Variants in RANBP9 observed in about 807,000 individuals in gnomAD.
RANBP9 encodes RAN binding protein 9.
Under a neutral mutation model 84.3 loss-of-function variants are expected in RANBP9, and 15 were observed. The ratio of observed to expected loss-of-function variants is 0.18; its 90% CI spans 0.12 to 0.27. The LOEUF is 0.27. Ranked by LOEUF, RANBP9 falls within the 10% of genes least tolerant of loss-of-function variation. The pLI is 1.00. For synonymous variants in RANBP9, 392 were observed against 349.6 expected (o/e 1.12, Z -1.35); for missense variants, 809 against 912.8 (o/e 0.89, Z 1.46).
At chr6:13,658,610 AAAAAC>A (rs1262730204) in intron 3 of RANBP9, among the ~76,000 whole-genome samples, 165 bp downstream of exon 3, 3 of 152,236 alleles carry the variant, frequency 2.0e-5, no homozygotes, top group Non-Finnish European at 4.4e-5. Flanking sequence ...ACTCTGTCTC[AAAAAC>A]AAAACAAAAC....
intron 2 of RANBP9, among the ~76,000 whole-genome samples, chr6:13,683,066 T>A (rs551244168): frequency 1.8e-4 from 28 of 152,320 alleles, no homozygotes; most frequent in Admixed American, 3.3e-4. Context: ...TCACAAAGAA[T>A]CACTGGGATG....
intron 6 of RANBP9, among the ~76,000 whole-genome samples, chr6:13,643,971 T>C (rs1584919238): frequency 6.6e-6 from 1 of 152,194 alleles, no homozygotes; most frequent in African/African-American, 2.4e-5. Context: ...ACATTAAAGA[T>C]GAAATGTGTT....
At chr6:13,653,903 A>G (rs1765345274) in intron 4 of RANBP9, among the ~76,000 whole-genome samples, 1 of 152,098 alleles carries the variant, frequency 6.6e-6, no homozygotes, top group Admixed American at 6.5e-5. Context: ...CACAGAAAGC[A>G]AGTACTATCA....
intron 11 of RANBP9, among the ~76,000 whole-genome samples, chr6:13,633,058 A>C (rs992356051): frequency 4.0e-5 from 6 of 150,526 alleles, no homozygotes; most frequent in Non-Finnish European, 8.9e-5. Flanking sequence ...TTTTGGATGG[A>C]GTCTCACACT....
At chr6:13,631,933 TTA>T (rs900726982) in intron 12 of RANBP9, among the ~76,000 whole-genome samples, 2 of 152,144 alleles carry the variant, frequency 1.3e-5, no homozygotes, top group Non-Finnish European at 2.9e-5. Context: ...GAACCATGTG[TTA>T]TACATCCAAA....
chr6:13,666,289 A>G (rs552043557), intron 2 of RANBP9, among the ~76,000 whole-genome samples: 6 of 152,134 alleles, frequency 3.9e-5, no homozygotes, highest in Non-Finnish European at 8.8e-5. Context: ...TTATAAAATA[A>G]TTATAGTCAG....
At chr6:13,663,709 TGATTACTA>T (rs1050304503) in intron 2 of RANBP9, among the ~76,000 whole-genome samples, 4 of 152,110 alleles carry the variant, frequency 2.6e-5, no homozygotes, top group African/African-American at 9.7e-5. Flanking sequence ...CGATAACATA[TGATTACTA>T]GATAGTGTTT....
chr6:13,701,231 C>T (rs1023945136), intron 1 of RANBP9, among the ~76,000 whole-genome samples: 1 of 152,184 alleles, frequency 6.6e-6, no homozygotes, highest in Non-Finnish European at 1.5e-5. Flanking sequence ...GTATCATAAT[C>T]TACCTTCCAT....
chr6:13,631,110 A>G (rs1452488934), intron 12 of RANBP9, among the ~76,000 whole-genome samples: 1 of 152,116 alleles, frequency 6.6e-6, no homozygotes, highest in African/African-American at 2.4e-5. Flanking sequence ...GCCCGGCCTG[A>G]TTTGACTTTT....
chr6:13,703,082 C>T (rs376296486), intron 1 of RANBP9, among the ~76,000 whole-genome samples: 5 of 152,260 alleles, frequency 3.3e-5, no homozygotes, highest in South Asian at 2.1e-4. Context: ...GCATGATCAC[C>T]GCTGGCTACA....
intron 1 of RANBP9, among the ~76,000 whole-genome samples, chr6:13,700,997 T>A (rs1295581499): frequency 6.6e-6 from 1 of 152,190 alleles, no homozygotes; most frequent in Non-Finnish European, 1.5e-5. Flanking sequence ...AACACCGGTA[T>A]CTTCCTCCAG....
In RANBP9 at chr6:13,711,705, C is replaced by T; in HGVS notation, c.-200G>A. 9.1e-6 allele frequency: 3 copies of T among 328,242 alleles called. No individual in the cohort carries two copies. Among genetic ancestry groups the T allele is most frequent in the Non-Finnish European group, 1.5e-5 (3 of 194,934 alleles). The allele number at this position is 328,242 out of a possible 1,614,324, so 20.3% of individuals were successfully genotyped here. A position where few individuals can be genotyped will look rare whatever the true frequency, so the allele number is the denominator to read the frequency against. On this transcript the variant is annotated 5_prime_UTR_variant, in exon 1 of 14. Coordinates refer to ENST00000011619, the MANE Select transcript of RANBP9 (RefSeq NM_005493.3). The stretch of plus-strand genomic sequence containing the variant: ...GGGAGTAGGCGGCGGGCCCGGGAGG[C>T]CGGGAGAGAACGTTGGCCGGAGCGC...
chr6:13,646,469 T>C (rs1382153696), intron 5 of RANBP9, among the ~76,000 whole-genome samples: 22 of 152,084 alleles, frequency 1.4e-4, no homozygotes, highest in Admixed American at 1.4e-3. Context: ...TACAGAGTTA[T>C]GAGATACTTT....
rs1757940341 is a variant in RANBP9 at position 13,700,446 on chromosome 6, CTGT to C, written c.572-3553_572-3551del. Among the ~76,000 whole-genome samples the C allele has an allele frequency of 3.9e-5, 6 of 151,996 alleles. No individual in the cohort carries two copies. The South Asian group carries it at 1.2e-3, about 32-fold the overall frequency. On this transcript the variant is annotated intron_variant, in intron 1 of 13. Coordinates refer to ENST00000011619, the MANE Select transcript of RANBP9 (RefSeq NM_005493.3). ...AATTCTTCACATTGATCAGGCCAGT[CTGT>C]AAACATGCTATTCCCTCCACCTTTC... is the stretch of plus-strand genomic sequence containing the variant.
At position 13,632,514 on chromosome 6, in the gene RANBP9, A is replaced by G. The variant is rs752253596; in HGVS notation, c.1803T>C (p.Asp601=). ...MEDCDTEMEV[D]SSQLRRQLCG... Reference sequence around the variant, plus strand: ...ACAACTGGCGTCTCAACTGACTTGAATCAACTTCTGTAAGAAAAACAGACA... The same window carrying G: ...ACAACTGGCGTCTCAACTGACTTGAGTCAACTTCTGTAAGAAAAACAGACA... Residue 601 remains aspartate, a synonymous_variant, in exon 12 of 14, where the codon GAT becomes GAC. Coordinates refer to ENST00000011619, the MANE Select transcript of RANBP9 (RefSeq NM_005493.3). 3.7e-6 allele frequency: 6 copies of G among 1,612,736 alleles called. No individual in the cohort carries two copies. Among genetic ancestry groups the G allele is most frequent in the Non-Finnish European group, 5.1e-6 (6 of 1,178,894 alleles).
At chr6:13,674,998 A>C (rs1471430799) in intron 2 of RANBP9, among the ~76,000 whole-genome samples, 1 of 152,162 alleles carries the variant, frequency 6.6e-6, no homozygotes, top group Non-Finnish European at 1.5e-5. Context: ...GCCTAACAAC[A>C]AAGTGTCAAA....
At chr6:13,627,081 T>C (rs778573850) in intron 12 of RANBP9, among the ~76,000 whole-genome samples, 4 of 152,294 alleles carry the variant, frequency 2.6e-5, no homozygotes, top group African/African-American at 9.6e-5. Context: ...CCAATTACAA[T>C]AGAAGTTCTT....
In RANBP9 at chr6:13,670,483, C is replaced by G. The variant is rs145165155; in HGVS notation, c.684-11651G>C. On this transcript the variant is annotated intron_variant, in intron 2 of 13. Coordinates refer to ENST00000011619, the MANE Select transcript of RANBP9 (RefSeq NM_005493.3). ...GGTCTCTTAGATATGACATCAGAAG[C>G]AGAAGAAACACAAGAAAAAATAGAC... is the stretch of plus-strand genomic sequence containing the variant. Among the ~76,000 whole-genome samples the G allele has an allele frequency of 3.2e-3, 493 of 151,958 alleles. 3 individuals carry two copies. The highest frequency in any genetic ancestry group is 0.011 in the African/African-American group (473 of 41,454).
chr6:13,689,980 T>C (rs1451950485), intron 2 of RANBP9, among the ~76,000 whole-genome samples: 5 of 152,334 alleles, frequency 3.3e-5, no homozygotes, highest in African/African-American at 9.6e-5. Context: ...ACCAGGTATG[T>C]AGTAGGTACA....
Sources: gnomAD v4.1 joint callset for allele counts (sites outside exome capture counted in the v4.1 genomes callset) on GRCh38, gnomAD v4.1.1 for gene constraint, MANE v1.5 for transcripts, NCBI Gene and HGNC (gene_info 2026-07-23, HGNC 2026-07-21) for gene names.